Variants in GPR158 observed in about 807,000 individuals in gnomAD.
GPR158 encodes G protein-coupled receptor 158.
Under a neutral mutation model 78.2 loss-of-function variants are expected in GPR158, and 30 were observed. The observed-to-expected ratio is 0.38, with a 90% CI of 0.29 to 0.52. The LOEUF is 0.52. GPR158 is among the 20% of genes least tolerant of loss of function. The pLI, the probability that GPR158 is intolerant of heterozygous loss-of-function variation, is 0.83. For synonymous variants in GPR158, 581 were observed against 591.1 expected (o/e 0.98, Z 0.25); for missense variants, 1,463 against 1,523.5 (o/e 0.96, Z 0.66).
intron 4 of GPR158, among the ~76,000 whole-genome samples, chr10:25,426,481 C>T (rs938130198): frequency 3.9e-5 from 6 of 152,050 alleles, no homozygotes; most frequent in African/African-American, 1.2e-4. Context: ...TGTGACTTTT[C>T]CTTTTTTTGA....
intron 2 of GPR158, among the ~76,000 whole-genome samples, chr10:25,391,973 T>G (rs1462766745): frequency 6.6e-6 from 1 of 152,050 alleles, no homozygotes; most frequent in African/African-American, 2.4e-5. Flanking sequence ...TCTCACGAGA[T>G]CTGATGGTTT....
chr10:25,397,583 TTC>T (rs1834379611), intron 3 of GPR158, among the ~76,000 whole-genome samples: 2 of 152,334 alleles, frequency 1.3e-5, no homozygotes, highest in Non-Finnish European at 1.5e-5. Flanking sequence ...ACAGTTCTTT[TTC>T]TCTCTCTTAG....
At chr10:25,217,541 A>C (rs1340170523) in intron 1 of GPR158, among the ~76,000 whole-genome samples, 3 of 152,210 alleles carry the variant, frequency 2.0e-5, no homozygotes, top group African/African-American at 7.2e-5. Context: ...AGCAATGCCA[A>C]ACAGGACCCA....
Position 25,195,331 on chromosome 10 carries a change from A to C in GPR158, c.902+19009A>C, listed in dbSNP as rs191098978. Among the ~76,000 whole-genome samples the C allele has an allele frequency of 3.8e-4, 58 of 151,992 alleles. 1 individual carries two copies. Among genetic ancestry groups the C allele is most frequent in the African/African-American group, 1.4e-3 (56 of 41,458 alleles). ...AGCAAGTCTCATGCCTCAGCCTCCC[A>C]AGTAGATGGGACTACAGGCATGCAC... On this transcript the variant is annotated intron_variant, in intron 1 of 10. Transcript: ENST00000376351.
intron 4 of GPR158, among the ~76,000 whole-genome samples, chr10:25,456,124 ACTG>A (rs1835288134): frequency 6.6e-6 from 1 of 152,166 alleles, no homozygotes; most frequent in African/African-American, 2.4e-5. Context: ...CAAATACAAT[ACTG>A]CTATTTTAAA....
At chr10:25,496,641 T>C (rs1835884473) in intron 5 of GPR158, among the ~76,000 whole-genome samples, 1 of 152,154 alleles carries the variant, frequency 6.6e-6, no homozygotes, top group Non-Finnish European at 1.5e-5. Flanking sequence ...GCTGTCTAAT[T>C]CTCATTTTGC....
intron 2 of GPR158, among the ~76,000 whole-genome samples, chr10:25,350,183 A>T (rs1208570798): frequency 6.6e-6 from 1 of 152,028 alleles, no homozygotes; most frequent in African/African-American, 2.4e-5. Flanking sequence ...TAACTTACAA[A>T]TATCAGTAAG....
intron 4 of GPR158, among the ~76,000 whole-genome samples, chr10:25,418,023 A>C (rs577458105): frequency 1.3e-5 from 2 of 152,164 alleles, no homozygotes; most frequent in Admixed American, 1.3e-4. Context: ...GTGAATTGAC[A>C]AATCCAAGAT....
At chr10:25,235,249 C>G (rs866690798) in intron 2 of GPR158, among the ~76,000 whole-genome samples, 8 of 152,168 alleles carry the variant, frequency 5.3e-5, no homozygotes, top group African/African-American at 1.4e-4. Context: ...CTCTTTCCTT[C>G]TACATTAGCC....
At chr10:25,592,326 G>A (rs1012607538) in intron 8 of GPR158, among the ~76,000 whole-genome samples, 8 of 151,788 alleles carry the variant, frequency 5.3e-5, no homozygotes, top group South Asian at 4.2e-4. Context: ...ACACAGAGGC[G>A]TTTTTCCCAG....
At chr10:25,565,754 C>T (rs978400768) in intron 6 of GPR158, among the ~76,000 whole-genome samples, 4 of 152,148 alleles carry the variant, frequency 2.6e-5, no homozygotes, top group African/African-American at 4.8e-5. Context: ...TAACTGTTAA[C>T]GCTTAAGGTT....
intron 1 of GPR158, among the ~76,000 whole-genome samples, chr10:25,212,376 T>C (rs1384075701): frequency 6.6e-6 from 1 of 151,996 alleles, no homozygotes; most frequent in Non-Finnish European, 1.5e-5. Context: ...TACGAGAACA[T>C]ACTCACCATC....
intron 5 of GPR158, chr10:25,475,374 T>C (rs1319731021): frequency 1.3e-5 from 2 of 152,178 alleles, no homozygotes; most frequent in Non-Finnish European, 2.9e-5. Context: ...TTTCAGAACG[T>C]AAATTCTTTT....
intron 5 of GPR158, among the ~76,000 whole-genome samples, chr10:25,512,763 G>T (rs1836102211): frequency 6.7e-6 from 1 of 150,014 alleles, no homozygotes; most frequent in African/African-American, 2.5e-5. Context: ...TTTGTCAAAT[G>T]CTTTTTCTAT....
intron 2 of GPR158, among the ~76,000 whole-genome samples, chr10:25,230,364 C>T (rs1432647686): frequency 1.3e-5 from 2 of 152,136 alleles, no homozygotes; most frequent in Non-Finnish European, 2.9e-5. Flanking sequence ...TGAGGTTGTT[C>T]TCTATATCTG....
At chr10:25,263,598 T>G (rs1323267044) in intron 2 of GPR158, among the ~76,000 whole-genome samples, 1 of 152,206 alleles carries the variant, frequency 6.6e-6, no homozygotes, top group Non-Finnish European at 1.5e-5. Context: ...TGCTGTGTGG[T>G]CATATGTATG....
intron 2 of GPR158, among the ~76,000 whole-genome samples, chr10:25,317,716 G>GTT (rs756759445): frequency 3.4e-4 from 45 of 134,046 alleles, no homozygotes; most frequent in African/African-American, 9.0e-4. Context: ...TTCGTAAAGT[G>GTT]TTTTTTTTTG....
intron 2 of GPR158, among the ~76,000 whole-genome samples, chr10:25,296,628 C>CA (rs1854519305): frequency 6.6e-6 from 1 of 151,992 alleles, no homozygotes; most frequent in Admixed American, 6.6e-5. Context: ...TTAAAAGTAT[C>CA]AAAAATAATC....
chr10:25,310,979 C>T, intron 2 of GPR158, among the ~76,000 whole-genome samples: 1 of 151,976 alleles, frequency 6.6e-6, no homozygotes, highest in South Asian at 2.1e-4. Flanking sequence ...CTTTTAGCCC[C>T]AGTAATCTGA....
Sources: gnomAD v4.1 joint callset for allele counts (sites outside exome capture counted in the v4.1 genomes callset) on GRCh38, gnomAD v4.1.1 for gene constraint, MANE v1.5 for transcripts, NCBI Gene and HGNC (gene_info 2026-07-23, HGNC 2026-07-21) for gene names.